Variants in ARL3 observed in about 807,000 individuals in gnomAD.
The protein encoded by ARL3 is ADP-ribosylation factor-like protein 3.
In ARL3, 9 loss-of-function variants were observed where a neutral mutation model predicts 26.0. That is an observed-to-expected ratio of 0.35 (90% CI 0.21 to 0.60). ARL3 has a LOEUF of 0.60. ARL3 is among the 20% of genes least tolerant of loss of function. The probability of loss-of-function intolerance (pLI) is 0.78; values close to 1 mark genes in which losing one functional copy is unlikely to be tolerated. For synonymous variants in ARL3, 71 were observed against 78.4 expected (o/e 0.91, Z 0.50); for missense variants, 158 against 215.7 (o/e 0.73, Z 1.67).
At chr10:102,704,718 C>T (rs1332431890) in intron 2 of ARL3, among the ~76,000 whole-genome samples, 1 of 152,012 alleles carries the variant, frequency 6.6e-6, no homozygotes, top group African/African-American at 2.4e-5. Context: ...TGTCTATATA[C>T]ACACAAACAC....
Position 102,705,406 on chromosome 10 carries a change from G to C in ARL3, c.87C>G (p.Gly29=). 6.2e-7 allele frequency: 1 copy of C among 1,612,258 alleles called. No individual in the cohort carries two copies. Among genetic ancestry groups the C allele is most frequent in the Non-Finnish European group, 8.5e-7 (1 of 1,178,906 alleles). ...CAAGCTGCTTCAGAAGAGTGGTCTTGCCAGCATTATCCAAGCCCAGGAGAA... is the reference window on the plus strand; with the variant it reads ...CAAGCTGCTTCAGAAGAGTGGTCTTCCCAGCATTATCCAAGCCCAGGAGAA... ...RILLLGLDNA[G]KTTLLKQLAS... The change falls in exon 2 of 6, where the codon GGC becomes GGG. Residue 29 remains glycine (G), a synonymous_variant. Transcript: ENST00000260746.
chr10:102,706,040 G>A (rs2064309999), intron 1 of ARL3, among the ~76,000 whole-genome samples: 1 of 152,220 alleles, frequency 6.6e-6, no homozygotes, highest in South Asian at 2.1e-4. Context: ...TGGGCTTCCT[G>A]TTAATGATTT....
intron 4 of ARL3, 44 bp from the exon 5 acceptor site, chr10:102,686,045 C>A (rs767890413): frequency 1.8e-5 from 25 of 1,361,640 alleles, no homozygotes; most frequent in Non-Finnish European, 2.4e-5. Context: ...AAAATCTATA[C>A]ATCTATGATA....
intron 3 of ARL3, among the ~76,000 whole-genome samples, chr10:102,697,618 G>T (rs1198419975): frequency 6.6e-6 from 1 of 152,154 alleles, no homozygotes; most frequent in East Asian, 1.9e-4. Context: ...AGATTCATAA[G>T]CATCTAAGTG....
At chr10:102,686,750 C>T (rs559396685) in intron 4 of ARL3, among the ~76,000 whole-genome samples, 19 of 151,862 alleles carry the variant, frequency 1.3e-4, no homozygotes, top group African/African-American at 1.9e-4. Flanking sequence ...CGGTGTGAGC[C>T]GCCGTGCTCA....
intron 4 of ARL3, among the ~76,000 whole-genome samples, chr10:102,687,829 T>A (rs770787265): frequency 9.2e-5 from 14 of 152,216 alleles, no homozygotes; most frequent in Admixed American, 5.2e-4. Context: ...ACCTGGCCCA[T>A]AGAACACTTT....
intron 5 of ARL3, among the ~76,000 whole-genome samples, chr10:102,679,030 G>A (rs1026100212): frequency 3.3e-5 from 5 of 152,364 alleles, no homozygotes; most frequent in South Asian, 2.1e-4. Flanking sequence ...CACAGGGAGC[G>A]TAAACAGGGG....
chr10:102,702,220 G>A (rs750458096), intron 2 of ARL3, among the ~76,000 whole-genome samples: 4 of 151,812 alleles, frequency 2.6e-5, no homozygotes, highest in Non-Finnish European at 4.4e-5. Flanking sequence ...AGATATAGAT[G>A]ATACAAGCTA....
chr10:102,710,293 G>A (rs902326109), intron 1 of ARL3, among the ~76,000 whole-genome samples: 1 of 152,148 alleles, frequency 6.6e-6, no homozygotes, highest in Non-Finnish European at 1.5e-5. Flanking sequence ...TACTGAGGAT[G>A]GGATCACAGG....
chr10:102,684,636 T>TTTTA (rs1177434570), intron 5 of ARL3, among the ~76,000 whole-genome samples: 3 of 151,916 alleles, frequency 2.0e-5, no homozygotes, highest in Non-Finnish European at 4.4e-5. Context: ...GATTGTTTAT[T>TTTTA]TTTATTTATT....
At chr10:102,684,151 CTTTT>C (rs1335817648) in intron 5 of ARL3, among the ~76,000 whole-genome samples, 1 of 152,056 alleles carries the variant, frequency 6.6e-6, no homozygotes, top group Non-Finnish European at 1.5e-5. Context: ...CTTTCTCTCT[CTTTT>C]TTTCTTTTTC....
At chr10:102,684,532 A>G (rs1204768632) in intron 5 of ARL3, among the ~76,000 whole-genome samples, 1 of 152,172 alleles carries the variant, frequency 6.6e-6, no homozygotes, top group Non-Finnish European at 1.5e-5. Flanking sequence ...GAAAATTACT[A>G]TCTTTTCTTG....
At chr10:102,691,256 A>G (rs1043683249) in intron 3 of ARL3, among the ~76,000 whole-genome samples, 14 of 144,020 alleles carry the variant, frequency 9.7e-5, no homozygotes, top group Admixed American at 3.4e-4. Flanking sequence ...ATATCTCCCA[A>G]TGCTATCCCT....
At chr10:102,683,615 A>G (rs2064167073) in intron 5 of ARL3, among the ~76,000 whole-genome samples, 1 of 152,194 alleles carries the variant, frequency 6.6e-6, no homozygotes, top group Admixed American at 6.5e-5. Flanking sequence ...ATCAAATCAT[A>G]TATAATAATC....
chr10:102,692,820 T>C (rs998072497), intron 3 of ARL3, among the ~76,000 whole-genome samples: 1 of 152,200 alleles, frequency 6.6e-6, no homozygotes, highest in Non-Finnish European at 1.5e-5. Flanking sequence ...GCCATTCTCC[T>C]GCCTCAGCCT....
In ARL3 at chr10:102,676,009, A is replaced by T. The variant is rs1318031406; in HGVS notation, c.*885T>A. ...TAGGACGGCCGTGGAGAAGCCAGCTAATCTCAGAGTCGGCTGCTCACTGCT... is the reference window on the plus strand; with the variant it reads ...TAGGACGGCCGTGGAGAAGCCAGCTTATCTCAGAGTCGGCTGCTCACTGCT... On this transcript the variant is annotated 3_prime_UTR_variant, in exon 6 of 6. Coordinates refer to ENST00000260746, the MANE Select transcript of ARL3 (RefSeq NM_004311.4). The T allele has an allele frequency of 6.6e-6, 1 of 152,628 alleles. No individual in the cohort carries two copies. Among genetic ancestry groups the T allele is most frequent in the East Asian group, 1.9e-4 (1 of 5,200 alleles). 9.5% of individuals were successfully genotyped at this position (152,628 alleles called of 1,614,324 possible).
At chr10:102,684,001 G>C (rs1272480850) in intron 5 of ARL3, among the ~76,000 whole-genome samples, 2 of 152,198 alleles carry the variant, frequency 1.3e-5, no homozygotes, top group Non-Finnish European at 2.9e-5. Flanking sequence ...TTCTCGCTTT[G>C]CTTTTTCTTC....
chr10:102,688,499 CTTTT>C (rs61629496), intron 4 of ARL3, among the ~76,000 whole-genome samples: 13 of 92,164 alleles, frequency 1.4e-4, no homozygotes, highest in Admixed American at 3.5e-4. Flanking sequence ...TTTTAAAAAA[CTTTT>C]TTTTTTTTTT....
chr10:102,679,770 A>T (rs183622772), intron 5 of ARL3, among the ~76,000 whole-genome samples: 167 of 152,326 alleles, frequency 1.1e-3, no homozygotes, highest in Non-Finnish European at 1.4e-3. Context: ...GGCTGTGGGT[A>T]TCTGTATATG....
Sources: gnomAD v4.1 joint callset for allele counts (sites outside exome capture counted in the v4.1 genomes callset) on GRCh38, gnomAD v4.1.1 for gene constraint, MANE v1.5 for transcripts, NCBI Gene and HGNC (gene_info 2026-07-23, HGNC 2026-07-21) for gene names.